GLIS3: variants seen among roughly 807,000 people sequenced by gnomAD.
GLIS3 encodes the protein GLIS family zinc finger 3, also known as zinc finger protein GLIS3.
A neutral mutation model predicts 78.6 loss-of-function variants in GLIS3; 53 were observed. That is an observed-to-expected ratio of 0.67 (90% CI 0.54 to 0.85). GLIS3 has a LOEUF of 0.85. Among genes scored for constraint, GLIS3 ranks in the 40% least tolerant of loss-of-function variants. The probability of loss-of-function intolerance (pLI) is 0.00; values close to 1 mark genes in which losing one functional copy is unlikely to be tolerated. For synonymous variants in GLIS3, 684 were observed against 509.9 expected (o/e 1.34, Z -4.60); for missense variants, 1,703 against 1,231.1 (o/e 1.38, Z -5.74).
rs60176670 is a variant in GLIS3 at position 4,196,382 on chromosome 9, G to C, written c.389-70441C>G. Among the ~76,000 whole-genome samples the C allele has an allele frequency of 6.3e-3, 965 of 152,356 alleles. 11 individuals carry two copies. The highest frequency in any genetic ancestry group is 0.022 in the African/African-American group (915 of 41,582). ...TAAAAGCAGGCTGCCCCAGCCAGCA[G>C]TGGCAACCGGCTCAGGTCCCTTTCC... On this transcript the variant is annotated intron_variant, in intron 2 of 10. Coordinates refer to ENST00000381971, the MANE Select transcript of GLIS3 (RefSeq NM_001042413.2).
At chr9:4,306,417 C>G (rs1817229908) in intron 4 of GLIS3, among the ~76,000 whole-genome samples, 1 of 152,186 alleles carries the variant, frequency 6.6e-6, no homozygotes, top group South Asian at 2.1e-4. Flanking sequence ...TTCAGACCAG[C>G]TAGTCAACCC....
At chr9:4,483,593 G>A in the GLIS3 span, among the ~76,000 whole-genome samples, 3 of 151,972 alleles carry the variant, frequency 2.0e-5, no homozygotes, top group African/African-American at 4.8e-5. Flanking sequence ...GGTGGTGCAC[G>A]CCTGTAATCC....
chr9:3,966,395 CA>C (rs1259202265), intron 4 of GLIS3, among the ~76,000 whole-genome samples: 4 of 150,928 alleles, frequency 2.7e-5, no homozygotes, highest in Non-Finnish European at 5.9e-5. Context: ...ATAAATCAAA[CA>C]GGTGTTGATA....
At chr9:3,877,468 GA>G (rs1327448970) in intron 8 of GLIS3, among the ~76,000 whole-genome samples, 1 of 152,164 alleles carries the variant, frequency 6.6e-6, no homozygotes, top group Admixed American at 6.5e-5. Context: ...TTGCCAATCA[GA>G]CATATCCACA....
At chr9:4,091,126 G>A (rs1829460712) in intron 4 of GLIS3, among the ~76,000 whole-genome samples, 1 of 152,134 alleles carries the variant, frequency 6.6e-6, no homozygotes, top group South Asian at 2.1e-4. Context: ...AGTCTTGGGT[G>A]GGAAGATGGC....
chr9:3,903,821 T>C (rs1311854676), intron 6 of GLIS3, among the ~76,000 whole-genome samples: 2 of 152,156 alleles, frequency 1.3e-5, no homozygotes, highest in African/African-American at 4.8e-5. Context: ...TTTTGACCTT[T>C]TTGAGAAGAG....
chr9:4,313,466 G>T (rs1032262664), intron 2 of GLIS3, among the ~76,000 whole-genome samples: 1 of 152,042 alleles, frequency 6.6e-6, no homozygotes, highest in African/African-American at 2.4e-5. Flanking sequence ...GAGGTCCTCA[G>T]TTCTCTCAGC....
rs548658869 is a variant in GLIS3 at position 3,927,740 on chromosome 9, A to G, written c.1983+4620T>C. 2.1e-3 allele frequency among the ~76,000 whole-genome samples: 322 copies of G among 152,298 alleles called. 1 individual carries two copies. The highest frequency in any genetic ancestry group is 1.8e-3 in the Non-Finnish European group (123 of 68,024). On this transcript the variant is annotated intron_variant, in intron 6 of 10. Transcript: ENST00000381971. ...AATTATGGATTCTTACCTCTTTTTA[A>G]ATGGCTCCCATCACTATGTAGCATC...
At chr9:4,237,042 G>C (rs933926456) in intron 2 of GLIS3, among the ~76,000 whole-genome samples, 10 of 151,968 alleles carry the variant, frequency 6.6e-5, no homozygotes, top group Non-Finnish European at 1.3e-4. Flanking sequence ...ACTCTGCCAT[G>C]TGGAAATCAC....
chr9:3,979,633 T>A (rs531020990), intron 4 of GLIS3, among the ~76,000 whole-genome samples: 2 of 152,258 alleles, frequency 1.3e-5, no homozygotes, highest in South Asian at 2.1e-4. Flanking sequence ...TGTGTCCCCA[T>A]GACACTCCAT....
At chr9:3,931,288 A>G (rs1825594936) in intron 6 of GLIS3, among the ~76,000 whole-genome samples, 1 of 152,150 alleles carries the variant, frequency 6.6e-6, no homozygotes, top group Non-Finnish European at 1.5e-5. Context: ...CAAGGAAGAA[A>G]AAAAAAATCT....
rs569354501 is a variant in GLIS3, at chr9:3,974,545, C to G, written c.1711-37356G>C. Reference sequence around the variant, plus strand: ...TCCCAATGACAGACATATGAGGACTCTGCTATTTTCTAAAAGTCAATCAGC... The same window carrying G: ...TCCCAATGACAGACATATGAGGACTGTGCTATTTTCTAAAAGTCAATCAGC... On this transcript the variant is annotated intron_variant, in intron 4 of 10. Transcript: ENST00000381971. Among the ~76,000 whole-genome samples, 11 of 152,292 alleles carry G rather than the reference C, an allele frequency of 7.2e-5. No individual in the cohort carries two copies. In the South Asian group the frequency reaches 1.4e-3, roughly 20 times the overall value.
At chr9:4,135,715 C>T (rs752191870) in intron 2 of GLIS3, among the ~76,000 whole-genome samples, 1 of 152,088 alleles carries the variant, frequency 6.6e-6, no homozygotes, top group East Asian at 1.9e-4. Flanking sequence ...GGAGAAACAT[C>T]AAGTATATGA....
chr9:3,869,961 C>G (rs1428206551), intron 8 of GLIS3, among the ~76,000 whole-genome samples: 1 of 152,102 alleles, frequency 6.6e-6, no homozygotes, highest in East Asian at 1.9e-4. Context: ...GCTCCAAAGG[C>G]TGGGTAACAC....
At chr9:4,167,951 G>C (rs1370912348) in intron 2 of GLIS3, among the ~76,000 whole-genome samples, 2 of 152,130 alleles carry the variant, frequency 1.3e-5, no homozygotes, top group Non-Finnish European at 1.5e-5. Flanking sequence ...CTCTGACCAG[G>C]ACACATTCTA....
At chr9:4,265,388 A>G (rs1048779814) in intron 2 of GLIS3, among the ~76,000 whole-genome samples, 1 of 151,886 alleles carries the variant, frequency 6.6e-6, no homozygotes, top group African/African-American at 2.4e-5. Flanking sequence ...GTAGGTACAG[A>G]TATTATCCCT....
chr9:3,943,508 T>C (rs912065365), intron 4 of GLIS3, among the ~76,000 whole-genome samples: 2 of 152,240 alleles, frequency 1.3e-5, no homozygotes, highest in Non-Finnish European at 2.9e-5. Context: ...TCTGATTTTA[T>C]AACATTTCAA....
At position 3,942,886 on chromosome 9, in the gene GLIS3, TAAAC is replaced by T. The variant is rs1554652045; in HGVS notation, c.1711-5701_1711-5698del. ...GGGATTTTAAAAAGACGAAATAAAA[TAAAC>T]AAAAGAACTAGAAAACAAAAGAAGA... On this transcript the variant is annotated intron_variant, in intron 4 of 10. Transcript: ENST00000381971. Among the ~76,000 whole-genome samples the T allele has an allele frequency of 7.3e-5, 11 of 151,116 alleles. No homozygotes were observed. The South Asian group carries it at 1.9e-3, about 26-fold the overall frequency.
intron 7 of GLIS3, among the ~76,000 whole-genome samples, chr9:3,880,261 G>A (rs1415927443): frequency 6.6e-6 from 1 of 152,184 alleles, no homozygotes; most frequent in Non-Finnish European, 1.5e-5. Context: ...TGCCCGTTAT[G>A]ACACAGAGAG....
Sources: allele counts gnomAD v4.1 joint callset (sites outside exome capture counted in the v4.1 genomes callset), GRCh38; gene constraint gnomAD v4.1.1; transcripts MANE v1.5; gene names NCBI Gene and HGNC (gene_info 2026-07-23, HGNC 2026-07-21).